CTNND2: variants seen among roughly 807,000 people sequenced by gnomAD.
CTNND2 encodes catenin delta-2.
Under a neutral mutation model 144.4 loss-of-function variants are expected in CTNND2, and 22 were observed. The ratio of observed to expected loss-of-function variants is 0.15; its 90% CI spans 0.11 to 0.22. CTNND2 has a LOEUF of 0.22. Among genes scored for constraint, CTNND2 ranks in the 10% least tolerant of loss-of-function variants. The pLI is 1.00. For synonymous variants in CTNND2, 751 were observed against 695.6 expected, an observed-to-expected ratio of 1.08 and a Z score of -1.25; for missense variants, 1,353 against 1,618.8, an observed-to-expected ratio of 0.84 and a Z score of 2.82.
intron 3 of CTNND2, among the ~76,000 whole-genome samples, chr5:11,429,084 T>A (rs769509997): frequency 2.0e-5 from 3 of 152,154 alleles, no homozygotes; most frequent in Non-Finnish European, 4.4e-5. Context: ...ACCAACTTAT[T>A]CCTCTGTAGG....
chr5:11,206,056 G>T (rs781349764), intron 10 of CTNND2, among the ~76,000 whole-genome samples: 13 of 152,200 alleles, frequency 8.5e-5, no homozygotes, highest in Non-Finnish European at 1.3e-4. Context: ...ATGTGTCACA[G>T]AACCATCCAC....
chr5:11,168,202 T>TC, intron 11 of CTNND2, among the ~76,000 whole-genome samples: 1 of 152,188 alleles, frequency 6.6e-6, no homozygotes. Flanking sequence ...TATCCTAGTT[T>TC]CTTTAGAATT....
intron 1 of CTNND2, among the ~76,000 whole-genome samples, chr5:11,843,996 T>C (rs1221154477): frequency 2.6e-5 from 4 of 152,180 alleles, no homozygotes; most frequent in Non-Finnish European, 4.4e-5. Flanking sequence ...GAAAACAATT[T>C]AGATTCAAGA....
intron 9 of CTNND2, among the ~76,000 whole-genome samples, chr5:11,325,350 T>A (rs1040109308): frequency 7.9e-5 from 12 of 152,108 alleles, no homozygotes; most frequent in Non-Finnish European, 1.8e-4. Flanking sequence ...CTGTTAATTT[T>A]TCTTTTGGAT....
intron 7 of CTNND2, among the ~76,000 whole-genome samples, chr5:11,378,295 C>T (rs12172996): frequency 0.035 from 5,269 of 152,204 alleles, 265 homozygotes; most frequent in East Asian, 0.15. Flanking sequence ...CAATGGGTTC[C>T]TAATGCTTAT....
chr5:11,231,036 A>T (rs1478064907), intron 10 of CTNND2, among the ~76,000 whole-genome samples: 1 of 152,132 alleles, frequency 6.6e-6, no homozygotes, highest in Admixed American at 6.5e-5. Flanking sequence ...GGTGAAGGTA[A>T]TCAGACCATG....
intron 3 of CTNND2, among the ~76,000 whole-genome samples, chr5:11,472,418 G>A (rs1346773865): frequency 6.6e-6 from 1 of 151,992 alleles, no homozygotes; most frequent in Non-Finnish European, 1.5e-5. Context: ...TTCACCCATT[G>A]ATTTTTCCAG....
intron 3 of CTNND2, among the ~76,000 whole-genome samples, chr5:11,549,899 C>T (rs1775614137): frequency 6.6e-6 from 1 of 152,084 alleles, no homozygotes; most frequent in South Asian, 2.1e-4. Context: ...CTTTAGCTAA[C>T]TGAAGACATC....
chr5:11,304,762 G>A (rs1185785466), intron 9 of CTNND2, among the ~76,000 whole-genome samples: 1 of 152,066 alleles, frequency 6.6e-6, no homozygotes, highest in African/African-American at 2.4e-5. Context: ...GTTTCTTCCT[G>A]GCCACTGTGC....
intron 2 of CTNND2, among the ~76,000 whole-genome samples, chr5:11,720,363 A>T (rs1581772908): frequency 6.6e-6 from 1 of 152,210 alleles, no homozygotes; most frequent in East Asian, 1.9e-4. Context: ...TTTCAGGCTT[A>T]AAGTTCCTCA....
intron 3 of CTNND2, among the ~76,000 whole-genome samples, chr5:11,479,614 CA>C (rs1768059695): frequency 6.6e-6 from 1 of 152,174 alleles, no homozygotes; most frequent in African/African-American, 2.4e-5. Context: ...ACACTTCCAC[CA>C]ACAGTGTATA....
intron 1 of CTNND2, among the ~76,000 whole-genome samples, chr5:11,802,187 G>A (rs551153652): frequency 4.5e-4 from 69 of 151,692 alleles, no homozygotes; most frequent in Non-Finnish European, 5.4e-4. Flanking sequence ...CAGGAGAATC[G>A]CTTGAACTCG....
At chr5:11,776,179 C>T (rs1345411913) in intron 1 of CTNND2, among the ~76,000 whole-genome samples, 2 of 152,054 alleles carry the variant, frequency 1.3e-5, no homozygotes. Flanking sequence ...TAGTAGGAAA[C>T]AAATACAGCT....
intron 9 of CTNND2, among the ~76,000 whole-genome samples, chr5:11,302,371 C>T (rs1749700724): frequency 6.6e-6 from 1 of 152,118 alleles, no homozygotes; most frequent in East Asian, 1.9e-4. Context: ...ACAGCTCTTA[C>T]CGGGGAGTCC....
intron 14 of CTNND2, among the ~76,000 whole-genome samples, chr5:11,109,373 T>A (rs531038439): frequency 3.2e-4 from 47 of 148,360 alleles, no homozygotes; most frequent in Non-Finnish European, 6.4e-4. Context: ...TCTAGAATTA[T>A]CCCTACAGGG....
chr5:11,509,397 T>C (rs1452220578), intron 3 of CTNND2, among the ~76,000 whole-genome samples: 1 of 152,180 alleles, frequency 6.6e-6, no homozygotes, highest in Admixed American at 6.5e-5. Flanking sequence ...GGATGTTTTA[T>C]AATGTTTATC....
intron 10 of CTNND2, among the ~76,000 whole-genome samples, chr5:11,203,396 C>T (rs1737703101): frequency 6.6e-6 from 1 of 152,188 alleles, no homozygotes; most frequent in African/African-American, 2.4e-5. Context: ...ACCCTCTCCT[C>T]ACATTATTAC....
chr5:11,581,308 GT>G (rs11303013), intron 2 of CTNND2, among the ~76,000 whole-genome samples: 11,285 of 151,986 alleles, frequency 0.074, 638 homozygotes, highest in East Asian at 0.28. Context: ...ACAGAATTCT[GT>G]ATCAAACATA....
intron 3 of CTNND2, among the ~76,000 whole-genome samples, chr5:11,467,031 C>T (rs1228615381): frequency 1.3e-5 from 2 of 152,188 alleles, no homozygotes; most frequent in Admixed American, 6.5e-5. Flanking sequence ...ATGGAAATGC[C>T]CAGGCTCAAA....
Sources: gnomAD v4.1 joint callset for allele counts (sites outside exome capture counted in the v4.1 genomes callset) on GRCh38, gnomAD v4.1.1 for gene constraint, MANE v1.5 for transcripts, NCBI Gene and HGNC (gene_info 2026-07-23, HGNC 2026-07-21) for gene names.